Variants in CNTNAP2 observed in about 807,000 individuals in gnomAD.
The protein encoded by CNTNAP2 is contactin associated protein 2.
CNTNAP2 carries 98 observed loss-of-function variants against 155.2 expected under a neutral mutation model. That is an observed-to-expected ratio of 0.63 (90% CI 0.54 to 0.75). The LOEUF (loss-of-function observed/expected upper bound fraction) is 0.75. Ranked by LOEUF, CNTNAP2 falls within the 30% of genes least tolerant of loss-of-function variation. The probability of loss-of-function intolerance (pLI) is 0.00; values close to 1 mark genes in which losing one functional copy is unlikely to be tolerated. For missense variants in CNTNAP2, 1,727 were observed against 1,688.1 expected (o/e 1.02, Z -0.40); for synonymous variants, 651 against 631.2 (o/e 1.03, Z -0.47).
chr7:147,451,192 T>C (rs1272965501), intron 10 of CNTNAP2, among the ~76,000 whole-genome samples: 1 of 152,126 alleles, frequency 6.6e-6, no homozygotes, highest in East Asian at 1.9e-4. Context: ...AGAACACAAC[T>C]AAAAAATCTG....
At chr7:147,789,645 C>G (rs981703173) in intron 13 of CNTNAP2, among the ~76,000 whole-genome samples, 1 of 152,180 alleles carries the variant, frequency 6.6e-6, no homozygotes, top group African/African-American at 2.4e-5. Flanking sequence ...ACATTTGAGT[C>G]AGTGGACTGG....
At chr7:147,011,943 C>T (rs1334871568) in intron 3 of CNTNAP2, among the ~76,000 whole-genome samples, 1 of 152,166 alleles carries the variant, frequency 6.6e-6, no homozygotes, top group Non-Finnish European at 1.5e-5. Flanking sequence ...TAGAATTAGA[C>T]CAGATCCTTT....
At position 146,135,005 on chromosome 7, in the gene CNTNAP2, C is replaced by A. The variant is rs1022899362; in HGVS notation, c.97+18032C>A. Among the ~76,000 whole-genome samples the A allele has an allele frequency of 9.2e-5, 14 of 152,002 alleles. No homozygotes were observed. In the South Asian group the frequency reaches 1.7e-3, roughly 18 times the overall value. On this transcript the variant is annotated intron_variant, in intron 1 of 23. Transcript: ENST00000361727. ...GGAATGGTACCAGTTCCTCCTTGTA[C>A]CTCTGGTAGAATTCAGCTGTGAATC... is the stretch of plus-strand genomic sequence containing the variant.
intron 15 of CNTNAP2, among the ~76,000 whole-genome samples, chr7:148,021,250 TG>T (rs1802274824): frequency 6.6e-6 from 1 of 152,176 alleles, no homozygotes; most frequent in African/African-American, 2.4e-5. Context: ...TAAACACACC[TG>T]AACACTTGTT....
intron 17 of CNTNAP2, among the ~76,000 whole-genome samples, chr7:148,168,862 G>A (rs1206379413): frequency 1.3e-5 from 2 of 152,172 alleles, no homozygotes; most frequent in African/African-American, 2.4e-5. Context: ...GTGGAGAGAA[G>A]CAAAATCACA....
intron 12 of CNTNAP2, among the ~76,000 whole-genome samples, chr7:147,611,681 A>C (rs976356961): frequency 3.9e-5 from 6 of 152,196 alleles, no homozygotes; most frequent in Non-Finnish European, 8.8e-5. Flanking sequence ...CACCACCTGC[A>C]GAACATAATC....
chr7:147,932,395 A>T (rs2710091), intron 14 of CNTNAP2, among the ~76,000 whole-genome samples: 2 of 152,028 alleles, frequency 1.3e-5, no homozygotes, highest in Non-Finnish European at 2.9e-5. Flanking sequence ...GAGGGCCCAG[A>T]AATAAACCTG....
At chr7:147,730,815 T>C (rs927347256) in intron 13 of CNTNAP2, among the ~76,000 whole-genome samples, 10 of 152,086 alleles carry the variant, frequency 6.6e-5, no homozygotes, top group African/African-American at 2.4e-4. Context: ...AAGGTGTGAA[T>C]GCAAAGAAAA....
intron 1 of CNTNAP2, among the ~76,000 whole-genome samples, chr7:146,754,352 TC>T (rs149258252): frequency 0.039 from 5,908 of 152,052 alleles, 140 homozygotes; most frequent in East Asian, 0.096. Context: ...TAGAACATTT[TC>T]CCCTCCAAGG....
At position 147,891,021 on chromosome 7, in the gene CNTNAP2, C is replaced by T. The variant is rs1394258122; in HGVS notation, c.2099-12544C>T. Among the ~76,000 whole-genome samples the T allele has an allele frequency of 3.9e-5, 6 of 152,236 alleles. No individual in the cohort carries two copies. In the East Asian group the frequency reaches 5.8e-4, roughly 15 times the overall value. On this transcript the variant is annotated intron_variant, in intron 13 of 23. Transcript: ENST00000361727. The stretch of plus-strand genomic sequence containing the variant: ...TTCACAGTGCATACATATTTCAAAA[C>T]ATCATGTTGTATGTGTTAAATGTAT...
chr7:147,532,099 G>C (rs529928662), intron 11 of CNTNAP2, among the ~76,000 whole-genome samples: 4 of 152,176 alleles, frequency 2.6e-5, no homozygotes, highest in East Asian at 3.9e-4. Flanking sequence ...GAGCCACCAT[G>C]CCCGGCCAGG....
intron 15 of CNTNAP2, among the ~76,000 whole-genome samples, chr7:148,073,189 C>T (rs1326922669): frequency 3.3e-5 from 5 of 152,146 alleles, no homozygotes; most frequent in Non-Finnish European, 5.9e-5. Flanking sequence ...ACTTAGAATA[C>T]ACCGCATAAA....
chr7:146,415,027 C>T (rs183444579), intron 1 of CNTNAP2, among the ~76,000 whole-genome samples: 11 of 138,540 alleles, frequency 7.9e-5, no homozygotes, highest in Admixed American at 1.6e-4. Context: ...GCCTTGGCAG[C>T]GAAGGGCAGA....
intron 8 of CNTNAP2, among the ~76,000 whole-genome samples, chr7:147,245,220 T>C (rs913382750): frequency 1.3e-5 from 2 of 152,138 alleles, no homozygotes; most frequent in East Asian, 3.9e-4. Context: ...ATTATTTTAA[T>C]CATGCCATTA....
intron 1 of CNTNAP2, among the ~76,000 whole-genome samples, chr7:146,541,526 A>C (rs1426125276): frequency 6.6e-6 from 1 of 151,954 alleles, no homozygotes; most frequent in Non-Finnish European, 1.5e-5. Flanking sequence ...CTGCCCCTAC[A>C]TTTTGCCTCT....
chr7:147,886,547 T>G (rs531129608), intron 13 of CNTNAP2, among the ~76,000 whole-genome samples: 2 of 145,050 alleles, frequency 1.4e-5, no homozygotes, highest in South Asian at 2.4e-4. Flanking sequence ...GTAAGTCCCA[T>G]CTCTTGTACA....
rs1227488129 is a variant in CNTNAP2 at position 148,026,744 on chromosome 7, C to T, written c.2383+48755C>T. ...GACTCAAGTTTAAAACTTCTGCATT[C>T]CAATAAAAGTTAGAACCCTAATCCT... On this transcript the variant is annotated intron_variant, in intron 15 of 23. Transcript: ENST00000361727. Among the ~76,000 whole-genome samples, 10 of 152,250 alleles carry T rather than the reference C, an allele frequency of 6.6e-5. No homozygotes were observed. In the East Asian group the frequency reaches 1.4e-3, roughly 21 times the overall value.
chr7:148,089,426 T>A (rs774448161), intron 15 of CNTNAP2, among the ~76,000 whole-genome samples: 1 of 151,876 alleles, frequency 6.6e-6, no homozygotes, highest in Non-Finnish European at 1.5e-5. Context: ...ATGAAAAAAC[T>A]GTTAGAACTA....
At chr7:146,488,795 G>GT (rs534337967) in intron 1 of CNTNAP2, among the ~76,000 whole-genome samples, 11 of 151,974 alleles carry the variant, frequency 7.2e-5, no homozygotes, top group South Asian at 4.1e-4. Context: ...CGCCTGGCTA[G>GT]TTTTTTGTGG....
Sources: gnomAD v4.1 joint callset for allele counts (sites outside exome capture counted in the v4.1 genomes callset) on GRCh38, gnomAD v4.1.1 for gene constraint, MANE v1.5 for transcripts, NCBI Gene and HGNC (gene_info 2026-07-23, HGNC 2026-07-21) for gene names.